DNAJB14: variants seen among roughly 807,000 people sequenced by gnomAD.
DNAJB14 encodes DnaJ heat shock protein family (Hsp40) member B14, also known as dnaJ homolog subfamily B member 14.
Under a neutral mutation model 48.4 loss-of-function variants are expected in DNAJB14, and 22 were observed. The observed-to-expected ratio is 0.45, with a 90% CI of 0.32 to 0.65. The LOEUF is 0.65. Ranked by LOEUF, DNAJB14 falls within the 30% of genes least tolerant of loss-of-function variation. The pLI is 0.03. For missense variants in DNAJB14, 319 were observed against 458.8 expected, an observed-to-expected ratio of 0.70 and a Z score of 2.78; for synonymous variants, 142 against 158.7, an observed-to-expected ratio of 0.89 and a Z score of 0.79.
intron 3 of DNAJB14, among the ~76,000 whole-genome samples, chr4:99,919,031 A>G (rs1725956624): frequency 6.6e-6 from 1 of 152,138 alleles, no homozygotes; most frequent in South Asian, 2.1e-4. Flanking sequence ...AGAGGGTGGT[A>G]GCATCTCATT....
At chr4:99,934,638 C>T (rs868489334) in intron 1 of DNAJB14, among the ~76,000 whole-genome samples, 5 of 150,108 alleles carry the variant, frequency 3.3e-5, no homozygotes, top group Non-Finnish European at 4.4e-5. Context: ...TACAAAAATA[C>T]AAAAATTAGC....
rs1725248091 is a variant in DNAJB14, at chr4:99,900,152, G to C, written c.*876C>G. The stretch of plus-strand genomic sequence containing the variant: ...CACCAAGAAACTGCAAATTTCTATG[G>C]GGGAAAATGTGAGTCCTCTTCATAA... On this transcript the variant is annotated 3_prime_UTR_variant, in exon 8 of 8. Transcript: ENST00000442697. 6.6e-6 allele frequency: 1 copy of C among 152,184 alleles called. No homozygotes were observed. The highest frequency in any genetic ancestry group is 6.6e-5 in the Admixed American group (1 of 15,222). The allele number at this position is 152,184 out of a possible 1,614,324, so 9.4% of individuals were successfully genotyped here.
Position 99,903,824 on chromosome 4 carries a change from T to C in DNAJB14, c.917A>G (p.Asn306Ser). Residue 306 changes from asparagine to serine, a missense_variant, in exon 7 of 8, where the codon AAT (asparagine) becomes AGT (serine). This residue lies in a region of DNAJB14 where 166 missense variants were observed against 236.3 expected (regional missense o/e 0.70). Transcript: ENST00000442697. Reference protein sequence around the residue: ...VVYYVNKDFKNEYKGMLLQKV... With the variant: ...VVYYVNKDFKSEYKGMLLQKV... ...TTGTAATAACATTCCTTTATATTCA[T>C]TTTTGAAGTCCTTGTTGACATAATA... 6.2e-7 allele frequency: 1 copy of C among 1,613,080 alleles called. No homozygotes were observed. The highest frequency in any genetic ancestry group is 8.5e-7 in the Non-Finnish European group (1 of 1,179,460).
intron 3 of DNAJB14, among the ~76,000 whole-genome samples, chr4:99,916,341 T>C (rs548198541): frequency 4.7e-4 from 71 of 152,268 alleles, no homozygotes; most frequent in Non-Finnish European, 9.8e-4. Flanking sequence ...GGTCTCACTG[T>C]TGGCTAGGTT....
At chr4:99,905,847 T>C (rs1725445549) in intron 5 of DNAJB14, 141 bp from the exon 6 acceptor site, 3 of 1,248,994 alleles carry the variant, frequency 2.4e-6, no homozygotes, top group Admixed American at 2.7e-5. Context: ...ACCATGCCAA[T>C]AGGATGATTC....
Position 99,946,287 on chromosome 4 carries a change from G to C in DNAJB14, c.133+152C>G, listed in dbSNP as rs1727071835. 3 of 1,238,714 alleles carry C rather than the reference G, an allele frequency of 2.4e-6. No individual in the cohort carries two copies. The Admixed American group carries it at 6.6e-5, about 27-fold the overall frequency. The allele number at this position is 1,238,714 out of a possible 1,614,324, so 76.7% of individuals were successfully genotyped here. On this transcript the variant is annotated intron_variant, in intron 1 of 7. Coordinates refer to ENST00000442697, the MANE Select transcript of DNAJB14 (RefSeq NM_001031723.4). Reference sequence around the variant, plus strand: ...GGGGCTGGGGCCAGGGCGGGGGTGTGTCGGGATGCTCCCCACCGGGCCTGG... The same window carrying C: ...GGGGCTGGGGCCAGGGCGGGGGTGTCTCGGGATGCTCCCCACCGGGCCTGG...
At chr4:99,926,216 A>C (rs562649612) in intron 2 of DNAJB14, 2 of 152,326 alleles carry the variant, frequency 1.3e-5, no homozygotes, top group South Asian at 4.1e-4. Context: ...AGTGTACTAC[A>C]GTTGCCTCTT....
rs1725274726 is a variant in DNAJB14 at position 99,900,916 on chromosome 4, A to G, written c.*112T>C. 8 of 1,199,350 alleles carry G rather than the reference A, an allele frequency of 6.7e-6. No homozygotes were observed. Among genetic ancestry groups the G allele is most frequent in the African/African-American group, 4.7e-5 (3 of 63,496 alleles). 74.3% of individuals were successfully genotyped at this position (1,199,350 alleles called of 1,614,324 possible). A position where few individuals can be genotyped will look rare whatever the true frequency, so the allele number is the denominator to read the frequency against. On this transcript the variant is annotated 3_prime_UTR_variant, in exon 8 of 8. Coordinates refer to ENST00000442697, the MANE Select transcript of DNAJB14 (RefSeq NM_001031723.4). ...CAGTCCAAGATTTCAGGAACCAACT[A>G]TTCAGTTTAGTTTTCAGTATCAAAT...
chr4:99,901,054 G>A lies in DNAJB14; in HGVS notation c.1114C>T (p.Leu372Phe). The change falls in exon 8 of 8, where the codon CTT becomes TTT. Residue 372 changes from leucine (L) to phenylalanine (F), a missense_variant. Physicochemically the swap from Leu to Phe is conservative, Grantham distance 22. Transcript: ENST00000442697. ...SMDNCKELER[L>F]TSLYKGG ...CATCCTCCTTTATAAAGACTGGTAA[G>A]CCGCTCTAATTCTTTACAGTTGTCC... 6.2e-7 allele frequency: 1 copy of A among 1,609,998 alleles called. No individual in the cohort carries two copies. The highest frequency in any genetic ancestry group is 1.1e-5 in the South Asian group (1 of 90,798).
Position 99,946,311 on chromosome 4 carries a change from G to A in DNAJB14, c.133+128C>T. 3.5e-6 allele frequency: 5 copies of A among 1,420,226 alleles called. No individual in the cohort carries two copies. In the South Asian group the frequency reaches 5.0e-5, roughly 14 times the overall value. The allele number at this position is 1,420,226 out of a possible 1,614,324, so 88.0% of individuals were successfully genotyped here. A position where few individuals can be genotyped will look rare whatever the true frequency, so the allele number is the denominator to read the frequency against. On this transcript the variant is annotated intron_variant, in intron 1 of 7. Coordinates refer to ENST00000442697, the MANE Select transcript of DNAJB14 (RefSeq NM_001031723.4). ...TGTCGGGATGCTCCCCACCGGGCCTGGGGCTGGGGCTGGCTCAGACAGGCC... is the reference window on the plus strand; with the variant it reads ...TGTCGGGATGCTCCCCACCGGGCCTAGGGCTGGGGCTGGCTCAGACAGGCC...
intron 1 of DNAJB14, among the ~76,000 whole-genome samples, chr4:99,943,757 G>C (rs927157425): frequency 1.3e-5 from 2 of 152,030 alleles, no homozygotes; most frequent in South Asian, 4.1e-4. Flanking sequence ...TGTCCCTCTA[G>C]GACTAGATAA....
intron 7 of DNAJB14, among the ~76,000 whole-genome samples, chr4:99,901,583 T>G (rs1172701750): frequency 1.3e-5 from 2 of 152,100 alleles, no homozygotes; most frequent in Non-Finnish European, 2.9e-5. Flanking sequence ...ATTTAAAATC[T>G]TGTTCTGAGT....
At chr4:99,945,167 C>A (rs957705012) in intron 1 of DNAJB14, among the ~76,000 whole-genome samples, 1 of 152,156 alleles carries the variant, frequency 6.6e-6, no homozygotes, top group Non-Finnish European at 1.5e-5. Flanking sequence ...TAATGGACTG[C>A]ACACTTAAAA....
intron 7 of DNAJB14, among the ~76,000 whole-genome samples, chr4:99,902,141 A>T (rs189192716): frequency 7.9e-5 from 12 of 152,288 alleles, no homozygotes; most frequent in Admixed American, 7.9e-4. Context: ...CGAAGTTCAC[A>T]CTGCTAACGA....
At chr4:99,919,341 T>G (rs1319283743) in intron 3 of DNAJB14, among the ~76,000 whole-genome samples, 2 of 151,976 alleles carry the variant, frequency 1.3e-5, no homozygotes, top group Non-Finnish European at 2.9e-5. Flanking sequence ...TCCCAGCACT[T>G]TGGGAGGCTG....
intron 5 of DNAJB14, 91 bp from the exon 6 acceptor site, chr4:99,905,797 C>T: frequency 1.5e-6 from 2 of 1,367,686 alleles, no homozygotes; most frequent in Non-Finnish European, 2.0e-6. Flanking sequence ...GCAGAAAGCG[C>T]ATTTGAGATC....
At chr4:99,914,433 G>T (rs532822030) in intron 3 of DNAJB14, among the ~76,000 whole-genome samples, 135 of 152,226 alleles carry the variant, frequency 8.9e-4, no homozygotes, top group African/African-American at 3.2e-3. Context: ...TCATAGGTGG[G>T]AATTGAACAA....
chr4:99,906,398 C>A, intron 5 of DNAJB14, 119 bp downstream of exon 5: 1 of 1,053,494 alleles, frequency 9.5e-7, no homozygotes, highest in South Asian at 1.6e-5. Context: ...CTCTACCAAA[C>A]ACCTCTAGTA....
rs536936435 is a variant in DNAJB14 at position 99,934,610 on chromosome 4, A to G, written c.134-3989T>C. 3.3e-5 allele frequency among the ~76,000 whole-genome samples: 5 copies of G among 151,874 alleles called. No homozygotes were observed. The South Asian group carries it at 1.0e-3, about 32-fold the overall frequency. On this transcript the variant is annotated intron_variant, in intron 1 of 7. Transcript: ENST00000442697. ...GGAGTTCAAGACTAGCCTGGTCAACATGGTGAAATCCTGTCTCTACAAAAA... is the reference window on the plus strand; with the variant it reads ...GGAGTTCAAGACTAGCCTGGTCAACGTGGTGAAATCCTGTCTCTACAAAAA...
Sources: gnomAD v4.1 joint callset for allele counts (sites outside exome capture counted in the v4.1 genomes callset) on GRCh38, gnomAD v4.1.1 for gene constraint, gnomAD v4.1.1 regional missense constraint, MANE v1.5 for transcripts, NCBI Gene and HGNC (gene_info 2026-07-23, HGNC 2026-07-21) for gene names.